The following PARP14 variants were observed in gnomAD, a reference collection of about 807,000 sequenced individuals.
PARP14 encodes the protein poly(ADP-ribose) polymerase family member 14, also known as protein mono-ADP-ribosyltransferase PARP14.
Under a neutral mutation model 154.2 loss-of-function variants are expected in PARP14, and 59 were observed. The observed-to-expected ratio is 0.38, with a 90% CI of 0.31 to 0.48. The LOEUF (loss-of-function observed/expected upper bound fraction) is 0.48, where lower values mean the gene tolerates loss of function less well. PARP14 is among the 20% of genes least tolerant of loss of function. The pLI, the probability that PARP14 is intolerant of heterozygous loss-of-function variation, is 0.98. For missense variants in PARP14, 1,734 were observed against 2,131.6 expected, an observed-to-expected ratio of 0.81 and a Z score of 3.67; for synonymous variants, 720 against 780.5, an observed-to-expected ratio of 0.92 and a Z score of 1.29.
At chr3:122,715,610 CT>C (rs1472863503) in intron 12 of PARP14, among the ~76,000 whole-genome samples, 1 of 125,694 alleles carries the variant, frequency 8.0e-6, no homozygotes, top group African/African-American at 2.6e-5. Flanking sequence ...ATCTATCTAT[CT>C]ATCTATCTAT....
rs1395744250 is a variant in PARP14 at position 122,727,850 on chromosome 3, C to G, written c.4980C>G (p.Tyr1660Ter). Residue 1660 changes from tyrosine (Y) to a stop codon, truncating the protein, a stop_gained, in exon 16 of 17, where the codon TAC (tyrosine) becomes TAG (stop). Coordinates refer to ENST00000474629, the MANE Select transcript of PARP14 (RefSeq NM_017554.3). LOFTEE classifies it high-confidence loss of function. ...RIQNPDLWNSYQAKKKTMDAK... is the reference protein window; with the variant it reads ...RIQNPDLWNS The stretch of plus-strand genomic sequence containing the variant: ...AGAATCCAGATCTCTGGAATAGCTA[C>G]CAGGCAAAGAAAAAAACTATGGATG... 6.8e-6 allele frequency: 11 copies of G among 1,612,276 alleles called. No individual in the cohort carries two copies. The highest frequency in any genetic ancestry group is 9.3e-6 in the Non-Finnish European group (11 of 1,178,784).
At position 122,685,226 on chromosome 3, in the gene PARP14, T is replaced by C; in HGVS notation, c.229T>C (p.Trp77Arg). ...VLERKNHELVWQGKGTFKLTV... is the reference protein window; with the variant it reads ...VLERKNHELVRQGKGTFKLTV... ...GGAGAGAAAAAATCATGAGTTGGTA[T>C]GGCAAGGAAAAGGAACATTCAAGTT... Residue 77 changes from tryptophan to arginine, a missense_variant, in exon 2 of 17, where the codon TGG becomes CGG. Physicochemically the swap from Trp to Arg is moderately radical, Grantham distance 101. Transcript: ENST00000474629. The C allele has an allele frequency of 1.2e-6, 2 of 1,613,908 alleles. No individual in the cohort carries two copies. Among genetic ancestry groups the C allele is most frequent in the Admixed American group, 1.7e-5 (1 of 60,022 alleles).
In PARP14 at chr3:122,681,983, G is replaced by C. The variant is rs1938223488; in HGVS notation, c.187+913G>C. The stretch of plus-strand genomic sequence containing the variant: ...TGTCGCTAGATTTGGAGAAGCATTC[G>C]GGCCAGAGGAGAGGCAAGGAGGCTG... On this transcript the variant is annotated intron_variant, in intron 1 of 16. Transcript: ENST00000474629. This position sits in a 1 kb window ranked among gnomAD's most constrained non-coding sequence, Gnocchi z 5.5. Among the ~76,000 whole-genome samples, 1 of 152,106 alleles carries C rather than the reference G, an allele frequency of 6.6e-6. No individual in the cohort carries two copies. Among genetic ancestry groups the C allele is most frequent in the African/African-American group, 2.4e-5 (1 of 41,400 alleles).
intron 2 of PARP14, among the ~76,000 whole-genome samples, chr3:122,685,912 G>C (rs1938360494): frequency 6.6e-6 from 1 of 152,096 alleles, no homozygotes; most frequent in Admixed American, 6.5e-5. Context: ...TGTCTCCAGA[G>C]TTCTTTATAA....
chr3:122,680,952 G>C lies in PARP14; in HGVS notation c.69G>C (p.Leu23Phe). 6.2e-7 allele frequency: 1 copy of C among 1,613,638 alleles called. No homozygotes were observed. ...GGGGCCCCGACCCCCCGAAGAACTT[G>C]AACACCAAGTTGCAGATGTACTTCC... is the stretch of plus-strand genomic sequence containing the variant. Reference protein sequence around the residue: ...GSWGPDPPKNLNTKLQMYFQS... With the variant: ...GSWGPDPPKNFNTKLQMYFQS... Residue 23 changes from leucine to phenylalanine, a missense_variant, in exon 1 of 17, where the codon TTG becomes TTC. Around this residue, in one of 2 missense-constraint regions of PARP14, gnomAD observed 1,646 missense variants for 1,976.0 expected, o/e 0.83. Transcript: ENST00000474629.
At position 122,681,101 on chromosome 3, in the gene PARP14, G is replaced by T; in HGVS notation, c.187+31G>T. ...GGGCGCGAGGGGTGGGGTGAGGAGG[G>T]GGCACCTCTGCCCTCCCTCCAGGGA... On this transcript the variant is annotated intron_variant, in intron 1 of 16. Transcript: ENST00000474629. This position sits in a 1 kb window ranked among gnomAD's most constrained non-coding sequence, Gnocchi z 5.5. 1 of 1,543,360 alleles carries T rather than the reference G, an allele frequency of 6.5e-7. No homozygotes were observed. Among genetic ancestry groups the T allele is most frequent in the Middle Eastern group, 1.8e-4 (1 of 5,434 alleles).
chr3:122,727,788 A>C, intron 15 of PARP14, 24 bp from the exon 16 acceptor site: 1 of 1,528,018 alleles, frequency 6.5e-7, no homozygotes, highest in Non-Finnish European at 9.0e-7. Flanking sequence ...AACTGGCAGA[A>C]TATTATCCTT....
At chr3:122,702,623 G>A (rs1173874650) in intron 6 of PARP14, among the ~76,000 whole-genome samples, 3 of 152,166 alleles carry the variant, frequency 2.0e-5, no homozygotes, top group African/African-American at 4.8e-5. Context: ...GAGACTTAAA[G>A]GGGTTAGGTA....
rs762135019 is a variant in PARP14, at chr3:122,685,153, T to C, written c.188-32T>C. 8 of 1,605,826 alleles carry C rather than the reference T, an allele frequency of 5.0e-6. No homozygotes were observed. In the South Asian group the frequency reaches 6.6e-5, roughly 13 times the overall value. ...TTTTGTAAATAAAGATTGCTTGTCA[T>C]TTGTCTTTTTTCCCCCCTTTGGACA... On this transcript the variant is annotated intron_variant, in intron 1 of 16. Transcript: ENST00000474629.
chr3:122,690,087 A>G (rs1451552870), intron 3 of PARP14, among the ~76,000 whole-genome samples: 7 of 151,944 alleles, frequency 4.6e-5, no homozygotes, highest in Admixed American at 2.6e-4. Flanking sequence ...CAGCCCTTTT[A>G]TCTCTTTCTG....
intron 1 of PARP14, among the ~76,000 whole-genome samples, chr3:122,682,144 A>T (rs1938229479): frequency 6.6e-6 from 1 of 152,140 alleles, no homozygotes; most frequent in Non-Finnish European, 1.5e-5. Context: ...ATGAAAACAA[A>T]ATACCATGTT....
At position 122,703,844 on chromosome 3, in the gene PARP14, T is replaced by C. The variant is rs764296046; in HGVS notation, c.3184T>C (p.Leu1062=). ...AGCTGGACCAGAGCTCCAGGAGGAATTGGACACAGTTGGACAAGGGGTGGC... is the reference window on the plus strand; with the variant it reads ...AGCTGGACCAGAGCTCCAGGAGGAACTGGACACAGTTGGACAAGGGGTGGC... The part of the protein sequence containing the change: ...EKAGPELQEE[L]DTVGQGVAVS... Residue 1062 remains leucine, a synonymous_variant, in exon 7 of 17, where the codon TTG becomes CTG. Coordinates refer to ENST00000474629, the MANE Select transcript of PARP14 (RefSeq NM_017554.3). 13 of 1,613,852 alleles carry C rather than the reference T, an allele frequency of 8.1e-6. No individual in the cohort carries two copies. Among genetic ancestry groups the C allele is most frequent in the Middle Eastern group, 1.6e-4 (1 of 6,084 alleles).
intron 3 of PARP14, among the ~76,000 whole-genome samples, chr3:122,689,156 A>G (rs1448988098): frequency 6.6e-6 from 1 of 152,142 alleles, no homozygotes; most frequent in Non-Finnish European, 1.5e-5. Flanking sequence ...TGGGAAGTAT[A>G]TTAGAGCCAA....
Position 122,708,124 on chromosome 3 carries a change from C to G in PARP14, c.3541-66C>G. On this transcript the variant is annotated intron_variant, in intron 8 of 16. Transcript: ENST00000474629. ...GTATGTGTGCATGCAGGACAAAACA[C>G]CCTGATGATTCCAATTTATTCATTT... 3 of 826,554 alleles carry G rather than the reference C, an allele frequency of 3.6e-6. No individual in the cohort carries two copies. The South Asian group carries it at 4.6e-5, about 13-fold the overall frequency. 51.2% of individuals were successfully genotyped at this position (826,554 alleles called of 1,614,324 possible). A position where few individuals can be genotyped will look rare whatever the true frequency, so the allele number is the denominator to read the frequency against.
At chr3:122,690,996 G>A (rs969676735) in intron 3 of PARP14, among the ~76,000 whole-genome samples, 1 of 152,110 alleles carries the variant, frequency 6.6e-6, no homozygotes, top group Admixed American at 6.5e-5. Context: ...TCATATTAAG[G>A]ATATTTATAT....
rs776966035 is a variant in PARP14, at chr3:122,718,908, C to A, written c.4757C>A (p.Thr1586Lys). ...YTVNLNTYTA[T>K]DTKGHSLSVQ... ...GTGAACTTGAACACATACACTGCCA[C>A]AGACACAAAGGGCCACAGTTTATCT... The change falls in exon 14 of 17, where the codon ACA becomes AAA. Residue 1586 changes from threonine to lysine, a missense_variant. By Grantham distance (78) the Thr-to-Lys change is moderately conservative. Around this residue, in one of 2 missense-constraint regions of PARP14, gnomAD observed 1,646 missense variants for 1,976.0 expected, o/e 0.83. Coordinates refer to ENST00000474629, the MANE Select transcript of PARP14 (RefSeq NM_017554.3). 48 of 1,612,698 alleles carry A rather than the reference C, an allele frequency of 3.0e-5. No individual in the cohort carries two copies. Among genetic ancestry groups the A allele is most frequent in the Non-Finnish European group, 3.8e-5 (45 of 1,179,358 alleles).
intron 15 of PARP14, among the ~76,000 whole-genome samples, chr3:122,726,111 T>C (rs1576604730): frequency 6.6e-6 from 1 of 152,216 alleles, no homozygotes; most frequent in East Asian, 1.9e-4. Flanking sequence ...TAATTCTATT[T>C]ATATTTGAAA....
Position 122,700,674 on chromosome 3 carries a change from A to T in PARP14, c.2120A>T (p.Asn707Ile). The T allele has an allele frequency of 6.2e-7, 1 of 1,609,350 alleles. No homozygotes were observed. Among genetic ancestry groups the T allele is most frequent in the Non-Finnish European group, 8.5e-7 (1 of 1,177,626 alleles). Residue 707 changes from asparagine to isoleucine, a missense_variant, in exon 6 of 17, where the codon AAT (asparagine) becomes ATT (isoleucine). Transcript: ENST00000474629. Reference protein sequence around the residue: ...IKKVNVQVSFNPENKQKGILL... With the variant: ...IKKVNVQVSFIPENKQKGILL... ...AAGGTAAATGTGCAGGTAAGTTTCAATCCTGAGAACAAACAAAAAGGCATT... is the reference window on the plus strand; with the variant it reads ...AAGGTAAATGTGCAGGTAAGTTTCATTCCTGAGAACAAACAAAAAGGCATT...
At chr3:122,682,576 G>C (rs1213300654) in intron 1 of PARP14, among the ~76,000 whole-genome samples, 1 of 152,132 alleles carries the variant, frequency 6.6e-6, no homozygotes, top group African/African-American at 2.4e-5. Context: ...ATAGCACAAA[G>C]TATAATTTTG....
Sources: allele counts gnomAD v4.1 joint callset (sites outside exome capture counted in the v4.1 genomes callset), GRCh38; gene constraint gnomAD v4.1.1; regional missense constraint gnomAD v4.1.1; non-coding constraint Gnocchi (gnomAD v3.1); transcripts MANE v1.5; gene names NCBI Gene and HGNC (gene_info 2026-07-23, HGNC 2026-07-21).